WWOX: variants seen among roughly 807,000 people sequenced by gnomAD.
WWOX encodes the protein WW domain-containing oxidoreductase.
WWOX carries 69 observed loss-of-function variants against 46.2 expected under a neutral mutation model. The observed-to-expected ratio is 1.49, with a 90% CI of 1.23 to 1.82. WWOX has a LOEUF of 1.82. Among genes scored for constraint, WWOX ranks in the 40% most tolerant of loss-of-function variants. The pLI is 0.00. For missense variants in WWOX, 919 were observed against 542.6 expected (o/e 1.69, Z -6.89); for synonymous variants, 359 against 202.6 (o/e 1.77, Z -6.56).
chr16:78,572,670 A>G, intron 8 of WWOX, among the ~76,000 whole-genome samples: 2 of 152,000 alleles, frequency 1.3e-5, no homozygotes, highest in Middle Eastern at 6.8e-3. Context: ...CAATTTATAG[A>G]AAGCTTAAAG....
At chr16:78,497,474 C>T (rs1047864722) in intron 8 of WWOX, among the ~76,000 whole-genome samples, 4 of 152,060 alleles carry the variant, frequency 2.6e-5, no homozygotes, top group African/African-American at 9.7e-5. Flanking sequence ...ACTGGGATTA[C>T]AACAATCTAA....
At position 78,507,316 on chromosome 16, in the gene WWOX, C is replaced by T. The variant is rs114053751; in HGVS notation, c.1056+74564C>T. Among the ~76,000 whole-genome samples, 786 of 152,210 alleles carry T rather than the reference C, an allele frequency of 5.2e-3. 4 individuals carry two copies. Among genetic ancestry groups the T allele is most frequent in the African/African-American group, 0.018 (740 of 41,522 alleles). On this transcript the variant is annotated intron_variant, in intron 8 of 8. Coordinates refer to ENST00000566780, the MANE Select transcript of WWOX (RefSeq NM_016373.4). ...TTCACATTCAAAATGTAAATTGTGC[C>T]TAGGAAACATCAATGCTTATTTTAA...
In WWOX at chr16:78,164,363, T is replaced by C. The variant is rs759604632; in HGVS notation, c.516+74T>C. On this transcript the variant is annotated intron_variant, in intron 5 of 8. Transcript: ENST00000566780. ...CGGGCTAACCATATGGAGATTTCAGTGGAGTGTGTAAAGTTTATTGCTCTT... is the reference window on the plus strand; with the variant it reads ...CGGGCTAACCATATGGAGATTTCAGCGGAGTGTGTAAAGTTTATTGCTCTT... 6.8e-6 allele frequency: 9 copies of C among 1,327,952 alleles called. No individual in the cohort carries two copies. In the Admixed American group the frequency reaches 9.5e-5, roughly 14 times the overall value. 82.3% of individuals were successfully genotyped at this position (1,327,952 alleles called of 1,614,324 possible). A position where few individuals can be genotyped will look rare whatever the true frequency, so the allele number is the denominator to read the frequency against.
chr16:78,513,132 A>G (rs1345770231), intron 8 of WWOX, among the ~76,000 whole-genome samples: 2 of 152,214 alleles, frequency 1.3e-5, no homozygotes, highest in African/African-American at 4.8e-5. Flanking sequence ...TCCGTTGGTC[A>G]TGGCCCATTG....
chr16:78,739,565 C>G (rs995615724), intron 8 of WWOX, among the ~76,000 whole-genome samples: 4 of 152,110 alleles, frequency 2.6e-5, no homozygotes, highest in Non-Finnish European at 5.9e-5. Context: ...TAATCCAGCA[C>G]TTTGGGAGGC....
chr16:78,914,331 T>C (rs545065647), intron 8 of WWOX, among the ~76,000 whole-genome samples: 1 of 152,202 alleles, frequency 6.6e-6, no homozygotes, highest in East Asian at 1.9e-4. Context: ...TCCACTCATG[T>C]CTTCAGCACT....
At chr16:78,563,731 G>T (rs575513288) in intron 8 of WWOX, among the ~76,000 whole-genome samples, 17 of 152,072 alleles carry the variant, frequency 1.1e-4, no homozygotes, top group African/African-American at 2.9e-4. Context: ...GTCCTGGTTG[G>T]CAGATATTAA....
chr16:79,148,000 A>G (rs773839016), intron 8 of WWOX, among the ~76,000 whole-genome samples: 31 of 152,156 alleles, frequency 2.0e-4, no homozygotes, highest in Non-Finnish European at 4.6e-4. Flanking sequence ...GTGGTTTGCA[A>G]ATATCTTCTC....
intron 8 of WWOX, among the ~76,000 whole-genome samples, chr16:78,499,941 G>T (rs752981989): frequency 3.3e-5 from 5 of 152,112 alleles, no homozygotes; most frequent in Admixed American, 3.3e-4. Context: ...GTACCAAATG[G>T]TCCTTACCGT....
At chr16:78,706,727 C>T (rs536468817) in intron 8 of WWOX, among the ~76,000 whole-genome samples, 1 of 152,298 alleles carries the variant, frequency 6.6e-6, no homozygotes, top group African/African-American at 2.4e-5. Context: ...TGTGGGTACA[C>T]ATGGTACTGA....
chr16:78,887,514 C>T (rs1013499621), intron 8 of WWOX, among the ~76,000 whole-genome samples: 7 of 75,092 alleles, frequency 9.3e-5, no homozygotes, highest in East Asian at 9.4e-4. Flanking sequence ...CACACACACA[C>T]ACACAAGAAA....
intron 8 of WWOX, among the ~76,000 whole-genome samples, chr16:78,842,566 C>T (rs954038891): frequency 2.6e-5 from 4 of 152,044 alleles, no homozygotes; most frequent in East Asian, 1.9e-4. Flanking sequence ...AAACAGTGTA[C>T]ATAGAATACA....
intron 8 of WWOX, among the ~76,000 whole-genome samples, chr16:78,974,946 C>G (rs1207156879): frequency 1.3e-5 from 2 of 152,136 alleles, no homozygotes; most frequent in Non-Finnish European, 2.9e-5. Flanking sequence ...TGAGGCCTCT[C>G]CGGACCCAAA....
chr16:78,615,909 C>G (rs570990750), intron 8 of WWOX, among the ~76,000 whole-genome samples: 4 of 152,158 alleles, frequency 2.6e-5, no homozygotes, highest in African/African-American at 7.2e-5. Flanking sequence ...CGCCACCACA[C>G]TCAGCTAATT....
intron 8 of WWOX, among the ~76,000 whole-genome samples, chr16:78,453,238 A>G (rs568687093): frequency 2.6e-5 from 4 of 152,142 alleles, no homozygotes; most frequent in African/African-American, 9.6e-5. Flanking sequence ...AGCCTGGCCA[A>G]TATGGTGAGA....
At chr16:78,501,193 C>CTCTTTTCTTTT (rs1567609023) in intron 8 of WWOX, among the ~76,000 whole-genome samples, 1 of 90,954 alleles carries the variant, frequency 1.1e-5, no homozygotes, top group Non-Finnish European at 2.3e-5. Context: ...CTTTCTTTCT[C>CTCTTTTCTTTT]TTTTTTTTTT....
chr16:78,941,675 TC>T (rs1440346678), intron 8 of WWOX, among the ~76,000 whole-genome samples: 9 of 151,970 alleles, frequency 5.9e-5, no homozygotes, highest in African/African-American at 2.2e-4. Context: ...TGTATTTGCA[TC>T]CCCCCTACTC....
At chr16:78,735,774 C>T (rs899282023) in intron 8 of WWOX, among the ~76,000 whole-genome samples, 5 of 151,962 alleles carry the variant, frequency 3.3e-5, no homozygotes, top group Non-Finnish European at 4.4e-5. Flanking sequence ...ACTGAAGGCC[C>T]CTGCCCCCTG....
chr16:78,514,640 T>A (rs908852328), intron 8 of WWOX, among the ~76,000 whole-genome samples: 1 of 152,210 alleles, frequency 6.6e-6, no homozygotes, highest in Non-Finnish European at 1.5e-5. Flanking sequence ...AGTTTCTTGA[T>A]GCATTTAAAA....
Sources: allele counts gnomAD v4.1 joint callset (sites outside exome capture counted in the v4.1 genomes callset), GRCh38; gene constraint gnomAD v4.1.1; transcripts MANE v1.5; gene names NCBI Gene and HGNC (gene_info 2026-07-23, HGNC 2026-07-21).